The following HTN3 variants were observed in gnomAD, a reference collection of about 807,000 sequenced individuals.
HTN3 encodes the protein histatin-3.
HTN3 carries 15 observed loss-of-function variants against 10.6 expected under a neutral mutation model. The observed-to-expected ratio is 1.42, with a 90% CI of 0.95 to 2.18. The LOEUF (loss-of-function observed/expected upper bound fraction) is 2.18. HTN3 is among the 30% of genes most tolerant of loss of function. The pLI is 0.00. For synonymous variants in HTN3, 15 were observed against 16.9 expected (o/e 0.89, Z 0.27); for missense variants, 68 against 58.0 (o/e 1.17, Z -0.56).
At chr4:70,036,056 G>T (rs1283563874) in intron 5 of HTN3, among the ~76,000 whole-genome samples, 1 of 152,086 alleles carries the variant, frequency 6.6e-6, no homozygotes, top group Non-Finnish European at 1.5e-5. Context: ...TTAAATTGCA[G>T]ATGCTGAATG....
chr4:70,029,522 G>T (rs919762137), intron 1 of HTN3, among the ~76,000 whole-genome samples: 3 of 151,756 alleles, frequency 2.0e-5, no homozygotes, highest in East Asian at 1.9e-4. Flanking sequence ...TATCACAAGT[G>T]ACAGGTAAGA....
In HTN3 at chr4:70,033,151, T is replaced by C; in HGVS notation, c.103-16T>C. 1 of 1,597,106 alleles carries C rather than the reference T, an allele frequency of 6.3e-7. No individual in the cohort carries two copies. Among genetic ancestry groups the C allele is most frequent in the Non-Finnish European group, 8.6e-7 (1 of 1,167,608 alleles). ...CTATTCTCTGCAATTTGCTCTCTCC[T>C]TTTGTGTGTATGCAGGAAAAGCATC... On this transcript the variant is annotated splice_polypyrimidine_tract_variant and intron_variant, in intron 4 of 5. Coordinates refer to ENST00000673563, the MANE Select transcript of HTN3 (RefSeq NM_000200.3).
intron 5 of HTN3, among the ~76,000 whole-genome samples, chr4:70,035,343 T>A (rs1414951530): frequency 2.0e-5 from 3 of 152,160 alleles, no homozygotes; most frequent in Non-Finnish European, 4.4e-5. Flanking sequence ...GACAAATACA[T>A]GTTATAATAA....
Position 70,032,172 on chromosome 4 carries a change from G to A in HTN3, c.102+65G>A, listed in dbSNP as rs902826543. 2.1e-5 allele frequency: 21 copies of A among 1,014,808 alleles called. 2 individuals carry two copies. The South Asian group carries it at 2.7e-4, about 13-fold the overall frequency. The allele number at this position is 1,014,808 out of a possible 1,614,324, so 62.9% of individuals were successfully genotyped here. A position where few individuals can be genotyped will look rare whatever the true frequency, so the allele number is the denominator to read the frequency against. ...TCTTCTCTGACTATTTATTCTCCTA[G>A]AATAATTGATAGTTATCTCTCAAAT... On this transcript the variant is annotated intron_variant, in intron 4 of 5. Coordinates refer to ENST00000673563, the MANE Select transcript of HTN3 (RefSeq NM_000200.3).
intron 4 of HTN3, 129 bp downstream of exon 4, chr4:70,032,236 C>T (rs1725399153): frequency 5.6e-6 from 4 of 708,430 alleles, no homozygotes; most frequent in Non-Finnish European, 9.3e-6. Context: ...ACATTGATTT[C>T]ATTTATTCTT....
At chr4:70,033,651 T>C (rs7698669) in intron 5 of HTN3, 10,710 of 153,160 alleles carry the variant, frequency 0.07, 1,282 homozygotes, top group African/African-American at 0.25. Context: ...GTGAAAAATG[T>C]CAATGGTAGT....
At chr4:70,035,355 A>G (rs1725488190) in intron 5 of HTN3, among the ~76,000 whole-genome samples, 1 of 152,178 alleles carries the variant, frequency 6.6e-6, no homozygotes, top group East Asian at 1.9e-4. Context: ...TTATAATAAT[A>G]CTTAAGCTCT....
chr4:70,029,910 G>A (rs567024080), intron 1 of HTN3, among the ~76,000 whole-genome samples: 2 of 152,108 alleles, frequency 1.3e-5, no homozygotes, highest in East Asian at 3.9e-4. Context: ...CTAATCTCAA[G>A]GTTGCACCAT....
intron 2 of HTN3, 33 bp from the exon 3 acceptor site, chr4:70,031,945 TA>T (rs769514241): frequency 3.9e-5 from 54 of 1,401,310 alleles, no homozygotes; most frequent in Non-Finnish European, 5.4e-5. Flanking sequence ...GAAATTAAGA[TA>T]TTAATTATTT....
chr4:70,032,256 G>T, intron 4 of HTN3, 149 bp downstream of exon 4: 1 of 650,768 alleles, frequency 1.5e-6, no homozygotes, highest in Admixed American at 3.5e-5. Context: ...TGTTACAGAG[G>T]TAAAAGGTCA....
chr4:70,036,037 A>G (rs1265780991), intron 5 of HTN3, among the ~76,000 whole-genome samples: 1 of 152,082 alleles, frequency 6.6e-6, no homozygotes, highest in Non-Finnish European at 1.5e-5. Flanking sequence ...CCTCAAGAAA[A>G]ATTTAAATTT....
rs763808205 is a variant in HTN3 at position 70,033,208 on chromosome 4, G to C, written c.144G>C (p.Leu48=). Residue 48 remains leucine, a synonymous_variant, in exon 5 of 6, where the codon CTG becomes CTC. Coordinates refer to ENST00000673563, the MANE Select transcript of HTN3 (RefSeq NM_000200.3). The stretch of plus-strand genomic sequence containing the variant: ...ATCGAGGCTATAGATCAAATTATCT[G>C]TATGACAATTGATATCTTCAGTAAT... ...HSHRGYRSNY[L]YDN 1.9e-6 allele frequency: 3 copies of C among 1,596,566 alleles called. No individual in the cohort carries two copies. The highest frequency in any genetic ancestry group is 2.6e-6 in the Non-Finnish European group (3 of 1,167,826).
At chr4:70,032,819 T>C (rs1308232971) in intron 4 of HTN3, among the ~76,000 whole-genome samples, 3 of 152,032 alleles carry the variant, frequency 2.0e-5, no homozygotes, top group Non-Finnish European at 4.4e-5. Context: ...ACGGTAACTT[T>C]CTCCTCCCCG....
intron 2 of HTN3, 57 bp from the exon 3 acceptor site, chr4:70,031,922 A>G: frequency 8.1e-7 from 1 of 1,232,436 alleles, no homozygotes; most frequent in South Asian, 1.3e-5. Context: ...TTTTACACAT[A>G]TTCTTGAATT....
At chr4:70,029,490 G>GAA (rs1019750739) in intron 1 of HTN3, among the ~76,000 whole-genome samples, 5 of 151,918 alleles carry the variant, frequency 3.3e-5, no homozygotes, top group African/African-American at 1.2e-4. Context: ...ATAATTAGAT[G>GAA]AAAAACGTTA....
intron 5 of HTN3, among the ~76,000 whole-genome samples, chr4:70,035,310 C>A (rs17147993): frequency 0.015 from 2,291 of 152,256 alleles, 70 homozygotes; most frequent in African/African-American, 0.053. Flanking sequence ...TCCTAATCTT[C>A]TCTTAACCTT....
intron 5 of HTN3, among the ~76,000 whole-genome samples, chr4:70,036,063 AATG>A (rs1162826034): frequency 7.2e-5 from 11 of 152,176 alleles, no homozygotes; most frequent in African/African-American, 2.7e-4. Flanking sequence ...GCAGATGCTG[AATG>A]ATAATTTTTA....
At position 70,031,980 on chromosome 4, in the gene HTN3, G is replaced by T. The variant is rs549904383; in HGVS notation, c.53G>T (p.Gly18Val). 7.1e-6 allele frequency: 11 copies of T among 1,545,822 alleles called. No individual in the cohort carries two copies. The Admixed American group carries it at 1.5e-4, about 21-fold the overall frequency. Residue 18 changes from glycine (G) to valine (V), a missense_variant and splice_region_variant, in exon 3 of 6, where the codon GGA becomes GTA. Physicochemically the swap from Gly to Val is moderately radical, Grantham distance 109 (BLOSUM62 -3). Transcript: ENST00000673563. ...TTTCTCATTTTCTTCTTTTCCAAGG[G>T]AGCTGATTCACATGCAAAGGTAAGA... The part of the protein sequence containing the change: ...LILALMLSMT[G>V]ADSHAKRHHG...
intron 2 of HTN3, among the ~76,000 whole-genome samples, chr4:70,031,744 AG>A (rs2109707883): frequency 6.6e-6 from 1 of 152,230 alleles, no homozygotes; most frequent in East Asian, 1.9e-4. Context: ...TTCATAAAAA[AG>A]ATATATAAAC....
Sources: gnomAD v4.1 joint callset for allele counts (sites outside exome capture counted in the v4.1 genomes callset) on GRCh38, gnomAD v4.1.1 for gene constraint, MANE v1.5 for transcripts, NCBI Gene and HGNC (gene_info 2026-07-23, HGNC 2026-07-21) for gene names.